DCC: variants seen among roughly 807,000 people sequenced by gnomAD.
DCC encodes DCC netrin 1 receptor.
A neutral mutation model predicts 172.5 loss-of-function variants in DCC; 58 were observed. The ratio of observed to expected loss-of-function variants is 0.34; its 90% confidence interval spans 0.27 to 0.42. DCC has a LOEUF of 0.42. Ranked by LOEUF, DCC falls within the 10% of genes least tolerant of loss-of-function variation. The pLI is 1.00. For missense variants in DCC, 1,740 were observed against 1,791.0 expected (o/e 0.97, Z 0.51); for synonymous variants, 709 against 644.5 (o/e 1.10, Z -1.52).
At chr18:53,128,802 T>C (rs2043601652) in intron 7 of DCC, among the ~76,000 whole-genome samples, 1 of 149,100 alleles carries the variant, frequency 6.7e-6, no homozygotes, top group African/African-American at 2.5e-5. Context: ...TTTTAATATT[T>C]GCCTCTCTAC....
At chr18:52,607,125 T>C (rs1383472406) in intron 1 of DCC, among the ~76,000 whole-genome samples, 1 of 152,056 alleles carries the variant, frequency 6.6e-6, no homozygotes, top group Non-Finnish European at 1.5e-5. Context: ...AGCAGGAAAT[T>C]TGCTCCCTAT....
chr18:53,175,201 C>T (rs1257366997), intron 8 of DCC, among the ~76,000 whole-genome samples: 4 of 152,220 alleles, frequency 2.6e-5, no homozygotes, highest in Non-Finnish European at 5.9e-5. Context: ...CTATCTATGA[C>T]AAACCCACAG....
chr18:52,836,795 G>A (rs1177659056), intron 2 of DCC, among the ~76,000 whole-genome samples: 1 of 152,160 alleles, frequency 6.6e-6, no homozygotes, highest in African/African-American at 2.4e-5. Flanking sequence ...TCTTCTCATG[G>A]TTCCACTAGG....
chr18:52,411,814 G>A (rs1986852571), intron 1 of DCC, among the ~76,000 whole-genome samples: 1 of 152,048 alleles, frequency 6.6e-6, no homozygotes. Context: ...GAAATAGATC[G>A]ATAGATTAAA....
intron 2 of DCC, among the ~76,000 whole-genome samples, chr18:52,834,636 A>G (rs2145302826): frequency 6.6e-6 from 1 of 152,330 alleles, no homozygotes; most frequent in African/African-American, 2.4e-5. Flanking sequence ...TTTGTAAAAA[A>G]ATTTGAAAAA....
chr18:53,350,378 T>C (rs569608084), intron 15 of DCC, among the ~76,000 whole-genome samples: 32 of 152,214 alleles, frequency 2.1e-4, no homozygotes, highest in Non-Finnish European at 3.8e-4. Context: ...CCATAGTACA[T>C]AAATAACATA....
intron 5 of DCC, among the ~76,000 whole-genome samples, chr18:53,011,581 CT>C (rs2041731568): frequency 6.6e-6 from 1 of 151,688 alleles, no homozygotes. Flanking sequence ...AATGGGAAGA[CT>C]TACAACATTG....
At chr18:53,227,855 C>G (rs1262127562) in intron 12 of DCC, among the ~76,000 whole-genome samples, 1 of 152,040 alleles carries the variant, frequency 6.6e-6, no homozygotes, top group Non-Finnish European at 1.5e-5. Context: ...TGTGTTTTAG[C>G]TGAGAGGCAG....
chr18:52,690,687 G>A (rs79546230), intron 1 of DCC, among the ~76,000 whole-genome samples: 8,443 of 152,136 alleles, frequency 0.055, 375 homozygotes, highest in African/African-American at 0.12. Context: ...ACCAAGTGGC[G>A]TGTCCAAAAT....
intron 1 of DCC, among the ~76,000 whole-genome samples, chr18:52,486,884 G>T (rs183700001): frequency 5.3e-5 from 8 of 152,194 alleles, no homozygotes; most frequent in Admixed American, 4.6e-4. Context: ...TTCTGATTTT[G>T]TAAATTATTC....
intron 9 of DCC, 60 bp from the exon 10 acceptor site, chr18:53,205,156 G>A (rs766654305): frequency 5.9e-5 from 82 of 1,390,680 alleles, no homozygotes; most frequent in Non-Finnish European, 7.8e-5. Flanking sequence ...TTTGTTTTGA[G>A]AACAAAAACC....
At chr18:52,824,941 G>A (rs542325774) in intron 2 of DCC, among the ~76,000 whole-genome samples, 18 of 151,448 alleles carry the variant, frequency 1.2e-4, no homozygotes, top group African/African-American at 4.1e-4. Flanking sequence ...CTGCACCCTA[G>A]CCTGGGCAAC....
chr18:53,412,792 C>A (rs531646031), intron 20 of DCC, among the ~76,000 whole-genome samples: 3 of 152,046 alleles, frequency 2.0e-5, no homozygotes, highest in African/African-American at 7.2e-5. Flanking sequence ...ATATTAACAA[C>A]CAGTCAGAGA....
intron 1 of DCC, among the ~76,000 whole-genome samples, chr18:52,342,744 G>C (rs1983710181): frequency 6.6e-6 from 1 of 152,188 alleles, no homozygotes; most frequent in Non-Finnish European, 1.5e-5. Flanking sequence ...AATGAACAAT[G>C]ATGTCTTGTC....
intron 5 of DCC, among the ~76,000 whole-genome samples, chr18:52,961,799 T>C (rs1598973817): frequency 6.6e-6 from 1 of 151,752 alleles, no homozygotes; most frequent in Non-Finnish European, 1.5e-5. Flanking sequence ...TCAGAAATAA[T>C]GCCGCATATC....
chr18:52,379,743 T>C (rs1985506262), intron 1 of DCC, among the ~76,000 whole-genome samples: 1 of 152,202 alleles, frequency 6.6e-6, no homozygotes, highest in Non-Finnish European at 1.5e-5. Context: ...TAGGGACAGA[T>C]TGAACAGTCT....
At chr18:53,014,822 G>A (rs2041785171) in intron 5 of DCC, among the ~76,000 whole-genome samples, 1 of 152,010 alleles carries the variant, frequency 6.6e-6, no homozygotes, top group Non-Finnish European at 1.5e-5. Context: ...GAGGAAATTT[G>A]GAAGACCAAA....
chr18:52,793,222 G>T lies in DCC; in HGVS notation c.412+40848G>T, dbSNP rs1370278052. Among the ~76,000 whole-genome samples, 3 of 152,142 alleles carry T rather than the reference G, an allele frequency of 2.0e-5. No homozygotes were observed. In the East Asian group the frequency reaches 5.8e-4, roughly 29 times the overall value. On this transcript the variant is annotated intron_variant, in intron 2 of 28. Coordinates refer to ENST00000442544, the MANE Select transcript of DCC (RefSeq NM_005215.4). Reference sequence around the variant, plus strand: ...TGCAAATGGACTTTCCGGTTGATTGGCACCATCTTGTCTGTTCTTTATTGT... The same window carrying T: ...TGCAAATGGACTTTCCGGTTGATTGTCACCATCTTGTCTGTTCTTTATTGT...
intron 2 of DCC, among the ~76,000 whole-genome samples, chr18:52,769,963 C>T (rs775971675): frequency 2.4e-4 from 36 of 152,252 alleles, no homozygotes; most frequent in Non-Finnish European, 4.4e-4. Flanking sequence ...ACAGAAACTG[C>T]CATCATCTCT....
Sources: gnomAD v4.1 joint callset for allele counts (sites outside exome capture counted in the v4.1 genomes callset) on GRCh38, gnomAD v4.1.1 for gene constraint, MANE v1.5 for transcripts, NCBI Gene and HGNC (gene_info 2026-07-23, HGNC 2026-07-21) for gene names.